The following MACROD2 variants were observed in gnomAD, a reference collection of about 807,000 sequenced individuals.
MACROD2 encodes ADP-ribose glycohydrolase MACROD2.
MACROD2 carries 36 observed loss-of-function variants against 70.4 expected under a neutral mutation model. That is an observed-to-expected ratio of 0.51 (90% CI 0.39 to 0.68). MACROD2 has a LOEUF of 0.68. Among genes scored for constraint, MACROD2 ranks in the 30% least tolerant of loss-of-function variants. MACROD2 has a pLI of 0.00. For missense variants in MACROD2, 496 were observed against 538.4 expected, an observed-to-expected ratio of 0.92 and a Z score of 0.78; for synonymous variants, 172 against 178.8, an observed-to-expected ratio of 0.96 and a Z score of 0.30.
chr20:14,425,563 C>T (rs1362764904), intron 3 of MACROD2, among the ~76,000 whole-genome samples: 2 of 152,118 alleles, frequency 1.3e-5, no homozygotes, highest in Admixed American at 6.6e-5. Flanking sequence ...TTAATTCAAA[C>T]CAAACATTTA....
chr20:15,076,235 G>A (rs403362), intron 5 of MACROD2, among the ~76,000 whole-genome samples: 37,345 of 151,972 alleles, frequency 0.25, 5,102 homozygotes, highest in Non-Finnish European at 0.31. Flanking sequence ...TTAAATGGCT[G>A]CATATCTTTC....
intron 3 of MACROD2, among the ~76,000 whole-genome samples, chr20:14,424,288 A>C (rs1236647207): frequency 6.6e-6 from 1 of 152,060 alleles, no homozygotes; most frequent in African/African-American, 2.4e-5. Flanking sequence ...CCTTTTTTAA[A>C]TATTTTTACC....
intron 5 of MACROD2, among the ~76,000 whole-genome samples, chr20:14,748,949 G>T (rs542881785): frequency 6.6e-6 from 1 of 152,158 alleles, no homozygotes; most frequent in East Asian, 1.9e-4. Context: ...GTGGATCTTT[G>T]TGTTGATTTC....
At chr20:14,910,521 G>A (rs1401146619) in intron 5 of MACROD2, among the ~76,000 whole-genome samples, 2 of 152,222 alleles carry the variant, frequency 1.3e-5, no homozygotes, top group African/African-American at 2.4e-5. Context: ...CCAGCAGAAA[G>A]GAAATTTGTT....
chr20:14,109,960 TG>T (rs1341075523), intron 3 of MACROD2, among the ~76,000 whole-genome samples: 2 of 151,914 alleles, frequency 1.3e-5, no homozygotes, highest in Non-Finnish European at 1.5e-5. Flanking sequence ...TGATGAATAT[TG>T]ATACAAAAAT....
chr20:15,455,585 T>C (rs1199858771), intron 7 of MACROD2, among the ~76,000 whole-genome samples: 3 of 152,168 alleles, frequency 2.0e-5, no homozygotes. Context: ...ATGGTTTTAA[T>C]GTTTAAATAT....
chr20:14,585,184 A>C (rs950315729), intron 4 of MACROD2, among the ~76,000 whole-genome samples: 7 of 152,206 alleles, frequency 4.6e-5, no homozygotes, highest in African/African-American at 1.7e-4. Flanking sequence ...GAATTTTTAC[A>C]TAGGCGGAAC....
intron 4 of MACROD2, among the ~76,000 whole-genome samples, chr20:14,664,077 A>G (rs1344840623): frequency 1.3e-5 from 2 of 152,126 alleles, no homozygotes; most frequent in Non-Finnish European, 2.9e-5. Flanking sequence ...GTTGAACAAC[A>G]TATTTTTAAT....
intron 3 of MACROD2, among the ~76,000 whole-genome samples, chr20:14,201,452 CA>C (rs1371251028): frequency 2.6e-5 from 4 of 152,204 alleles, no homozygotes; most frequent in African/African-American, 9.6e-5. Flanking sequence ...AGAAATCTTA[CA>C]AAGGGAAACT....
intron 8 of MACROD2, among the ~76,000 whole-genome samples, chr20:15,610,618 C>A (rs1195707870): frequency 1.3e-5 from 2 of 152,190 alleles, no homozygotes; most frequent in African/African-American, 4.8e-5. Flanking sequence ...TTTCCAAACA[C>A]AGCAGCAGTC....
chr20:14,724,899 G>A (rs1252845106), intron 5 of MACROD2, among the ~76,000 whole-genome samples: 2 of 152,132 alleles, frequency 1.3e-5, no homozygotes, highest in East Asian at 3.9e-4. Flanking sequence ...ATATTACTTG[G>A]GATATTGTGT....
intron 3 of MACROD2, among the ~76,000 whole-genome samples, chr20:14,348,039 A>T (rs759446798): frequency 1.3e-5 from 2 of 152,098 alleles, no homozygotes; most frequent in African/African-American, 4.8e-5. Context: ...AGGCAGGTGG[A>T]TCATCTGAGG....
chr20:14,332,158 A>T (rs975101803), intron 3 of MACROD2, among the ~76,000 whole-genome samples: 1 of 152,128 alleles, frequency 6.6e-6, no homozygotes. Context: ...TTTAATAGGG[A>T]TCCTTATATT....
intron 8 of MACROD2, among the ~76,000 whole-genome samples, chr20:15,650,968 ATCTCT>A: frequency 6.6e-6 from 1 of 152,300 alleles, no homozygotes; most frequent in East Asian, 1.9e-4. Flanking sequence ...TCTTGGCATA[ATCTCT>A]TCTCTTAGAG....
At chr20:15,470,670 C>T (rs748064118) in intron 7 of MACROD2, among the ~76,000 whole-genome samples, 1 of 152,148 alleles carries the variant, frequency 6.6e-6, no homozygotes, top group Non-Finnish European at 1.5e-5. Flanking sequence ...CTGTGGTGGT[C>T]CAGGGCTGTT....
At chr20:14,270,003 A>G (rs904949119) in intron 3 of MACROD2, among the ~76,000 whole-genome samples, 1 of 152,160 alleles carries the variant, frequency 6.6e-6, no homozygotes, top group African/African-American at 2.4e-5. Context: ...TCTGCATTAT[A>G]TGGGCATTAT....
intron 8 of MACROD2, among the ~76,000 whole-genome samples, chr20:15,671,111 A>G (rs1433220244): frequency 6.6e-6 from 1 of 152,176 alleles, no homozygotes; most frequent in Non-Finnish European, 1.5e-5. Context: ...CCAGTCCCTT[A>G]GCTGGCTGCT....
chr20:14,311,719 T>C (rs1336650242), intron 3 of MACROD2, among the ~76,000 whole-genome samples: 11 of 152,114 alleles, frequency 7.2e-5, no homozygotes, highest in Admixed American at 7.2e-4. Context: ...GGTTTCACCA[T>C]GTTGGCCAGA....
At chr20:14,149,954 C>T (rs550919978) in intron 3 of MACROD2, among the ~76,000 whole-genome samples, 1 of 152,214 alleles carries the variant, frequency 6.6e-6, no homozygotes, top group African/African-American at 2.4e-5. Flanking sequence ...CTTCTCCTTA[C>T]ATTGTATTTC....
Sources: allele counts gnomAD v4.1 joint callset (sites outside exome capture counted in the v4.1 genomes callset), GRCh38; gene constraint gnomAD v4.1.1; transcripts MANE v1.5; gene names NCBI Gene and HGNC (gene_info 2026-07-23, HGNC 2026-07-21).